Variants in GRHL3 observed in about 807,000 individuals in gnomAD.
GRHL3 encodes the protein grainyhead like transcription factor 3.
GRHL3 carries 20 observed loss-of-function variants against 70.3 expected under a neutral mutation model. The observed-to-expected ratio is 0.28, with a 90% CI of 0.20 to 0.41. The LOEUF is 0.41. Ranked by LOEUF, GRHL3 falls within the 10% of genes least tolerant of loss-of-function variation. The probability of loss-of-function intolerance (pLI) is 1.00; values close to 1 mark genes in which losing one functional copy is unlikely to be tolerated. For synonymous variants in GRHL3, 299 were observed against 299.9 expected, an observed-to-expected ratio of 1.00 and a Z score of 0.03; for missense variants, 637 against 762.3, an observed-to-expected ratio of 0.84 and a Z score of 1.94.
At chr1:24,326,928 A>G (rs1639421196) in intron 1 of GRHL3, among the ~76,000 whole-genome samples, 1 of 152,210 alleles carries the variant, frequency 6.6e-6, no homozygotes, top group African/African-American at 2.4e-5. Flanking sequence ...CTATGAGATA[A>G]TGGAAGTTGG....
chr1:24,364,200 C>A, exon 16 of GRHL3: 1 of 1,518,354 alleles, frequency 6.6e-7, no homozygotes, highest in Non-Finnish European at 8.8e-7. Flanking sequence ...CTTCTCTCCT[C>A]CACCCACGCC....
intron 4 of GRHL3, 31 bp downstream of exon 4, chr1:24,336,858 T>C: frequency 6.7e-7 from 1 of 1,495,606 alleles, no homozygotes; most frequent in Non-Finnish European, 9.2e-7. Context: ...CCCTATAGCA[T>C]AGATATGTGT....
At chr1:24,360,979 G>A in intron 15 of GRHL3, 1 of 1,613,812 alleles carries the variant, frequency 6.2e-7, no homozygotes, top group East Asian at 2.2e-5. Flanking sequence ...ACCAGGACCT[G>A]GGAAAGGTGG....
At position 24,321,194 on chromosome 1, in the gene GRHL3, T is replaced by C. The variant is rs1639169894; in HGVS notation, c.17+1626T>C. Among the ~76,000 whole-genome samples the C allele has an allele frequency of 6.6e-6, 1 of 152,244 alleles. No individual in the cohort carries two copies. The highest frequency in any genetic ancestry group is 1.5e-5 in the Non-Finnish European group (1 of 68,044). On this transcript the variant is annotated intron_variant, in intron 1 of 15. Transcript: ENST00000361548. This position sits in a 1 kb window ranked among gnomAD's most constrained non-coding sequence, Gnocchi z 4.0. ...AGGGGGTATGTGTTCTGAAGCTGGG[T>C]TACTTGAACAGAAAGGTTTCTTGCT...
In GRHL3 at chr1:24,352,685, C is replaced by T. The variant is rs111574623; in HGVS notation, c.1695-1689C>T. ...TCACAGTGCCTGGCACCTAGAAGCA[C>T]GCAATCAATGGCAGACAAAACAACC... On this transcript the variant is annotated intron_variant, in intron 15 of 15. Coordinates refer to ENST00000361548, the MANE Select transcript of GRHL3 (RefSeq NM_198173.3). Among the ~76,000 whole-genome samples the T allele has an allele frequency of 2.5e-3, 374 of 152,308 alleles. 1 individual carries two copies. The highest frequency in any genetic ancestry group is 8.7e-3 in the African/African-American group (360 of 41,558).
chr1:24,347,573 C>T lies in GRHL3; in HGVS notation c.1629+20C>T, dbSNP rs775960745. 9 of 1,588,178 alleles carry T rather than the reference C, an allele frequency of 5.7e-6. No individual in the cohort carries two copies. In the East Asian group the frequency reaches 6.7e-5, roughly 12 times the overall value. ...AATGCGGTAAGCTGCCTGTGGACCC[C>T]GCCCCCCATGGCAGACCCCCTCTAG... is the stretch of plus-strand genomic sequence containing the variant. On this transcript the variant is annotated intron_variant, in intron 14 of 15. Transcript: ENST00000361548.
At chr1:24,349,757 A>C (rs541919894) in intron 14 of GRHL3, among the ~76,000 whole-genome samples, 1 of 152,312 alleles carries the variant, frequency 6.6e-6, no homozygotes, top group South Asian at 2.1e-4. Context: ...GTGACATAGG[A>C]AGGCTTATAC....
chr1:24,345,877 C>T (rs1640260996), intron 12 of GRHL3, among the ~76,000 whole-genome samples: 2 of 152,196 alleles, frequency 1.3e-5, no homozygotes, highest in African/African-American at 4.8e-5. Context: ...TTATGAAGAT[C>T]ATTTGCTGTT....
rs377484322 is a variant in GRHL3, at chr1:24,339,703, A to G, written c.988A>G (p.Ile330Val). The change falls in exon 8 of 16, where the codon ATT becomes GTT. Residue 330 changes from isoleucine to valine, a missense_variant. By Grantham distance (29) the Ile-to-Val change is conservative. Coordinates refer to ENST00000361548, the MANE Select transcript of GRHL3 (RefSeq NM_198173.3). The stretch of plus-strand genomic sequence containing the variant: ...AGAAAACTTCAACACTGTGGAGCAC[A>G]TTGAGGAGGTGGCCTATAATGCACT... Reference protein sequence around the residue: ...CKENFNTVEHIEEVAYNALSF... With the variant: ...CKENFNTVEHVEEVAYNALSF... 1.1e-5 allele frequency: 17 copies of G among 1,613,576 alleles called. No individual in the cohort carries two copies.
rs761171661 is a variant in GRHL3 at position 24,346,634 on chromosome 1, T to A, written c.1536T>A (p.Leu512=). 2 of 1,611,330 alleles carry A rather than the reference T, an allele frequency of 1.2e-6. No individual in the cohort carries two copies. Among genetic ancestry groups the A allele is most frequent in the Non-Finnish European group, 1.7e-6 (2 of 1,178,160 alleles). The change falls in exon 13 of 16, where the codon CTT becomes CTA. Residue 512 remains leucine, a synonymous_variant. Coordinates refer to ENST00000361548, the MANE Select transcript of GRHL3 (RefSeq NM_198173.3). The part of the protein sequence containing the change: ...LPSKQAKEGD[L]QRVLLYVRRE... ...CCAAGCAGGCCAAGGAAGGCGACCT[T>A]CAGAGAGGTGACCTCCCGCCCTCCT...
chr1:24,358,058 T>A, downstream of GRHL3: 1 of 372,520 alleles, frequency 2.7e-6, no homozygotes, highest in Non-Finnish European at 5.4e-6. Flanking sequence ...ATACCGTAAG[T>A]GAGTGAGGTC....
At chr1:24,358,510 G>A, downstream of GRHL3, 1 of 1,568,214 alleles carries the variant, frequency 6.4e-7, no homozygotes, top group Non-Finnish European at 8.8e-7. Context: ...GTGGGCTGGT[G>A]GCTGGAGTTC....
intron 2 of GRHL3, among the ~76,000 whole-genome samples, chr1:24,332,090 C>T (rs1473325866): frequency 1.3e-5 from 2 of 152,144 alleles, no homozygotes; most frequent in South Asian, 2.1e-4. Context: ...CACTCTCATA[C>T]CCCACCATCT....
chr1:24,333,680 G>T (rs1177319286), intron 2 of GRHL3, among the ~76,000 whole-genome samples: 1 of 152,106 alleles, frequency 6.6e-6, no homozygotes, highest in Admixed American at 6.5e-5. Flanking sequence ...CACACAGCTA[G>T]TATGTGGTAG....
At position 24,329,453 on chromosome 1, in the gene GRHL3, A is replaced by G. The variant is rs186594671; in HGVS notation, c.18-1973A>G. 3.3e-3 allele frequency among the ~76,000 whole-genome samples: 510 copies of G among 152,356 alleles called. 2 individuals carry two copies. Among genetic ancestry groups the G allele is most frequent in the Non-Finnish European group, 4.6e-3 (314 of 68,030 alleles). On this transcript the variant is annotated intron_variant, in intron 1 of 15. Coordinates refer to ENST00000361548, the MANE Select transcript of GRHL3 (RefSeq NM_198173.3). ...AACACATTTTTCTGCTGTGATAAAG[A>G]CTGCACCCCTGCATCAACGGAAAAG...
intron 11 of GRHL3, 117 bp downstream of exon 11, chr1:24,343,142 C>A: frequency 8.5e-7 from 1 of 1,172,770 alleles, no homozygotes; most frequent in Non-Finnish European, 1.2e-6. Context: ...GTTTCAAGAC[C>A]TTTATTGAAT....
intron 14 of GRHL3, among the ~76,000 whole-genome samples, chr1:24,348,977 C>T (rs1272718075): frequency 6.6e-6 from 1 of 152,256 alleles, no homozygotes; most frequent in Non-Finnish European, 1.5e-5. Context: ...AGCTGTTTCC[C>T]TGGGACAGGC....
intron 1 of GRHL3, among the ~76,000 whole-genome samples, chr1:24,331,139 T>G (rs1423689223): frequency 1.3e-5 from 2 of 152,240 alleles, no homozygotes; most frequent in Non-Finnish European, 2.9e-5. Flanking sequence ...TGAAAGTATT[T>G]TATTGAATCC....
At chr1:24,354,288 A>G in intron 15 of GRHL3, 86 bp from the exon 16 acceptor site, 1 of 858,268 alleles carries the variant, frequency 1.2e-6, no homozygotes, top group African/African-American at 1.6e-5. Context: ...CCCACTGGGT[A>G]TGACCCATCA....
Sources: allele counts gnomAD v4.1 joint callset (sites outside exome capture counted in the v4.1 genomes callset), GRCh38; gene constraint gnomAD v4.1.1; non-coding constraint Gnocchi (gnomAD v3.1); transcripts MANE v1.5; gene names NCBI Gene and HGNC (gene_info 2026-07-23, HGNC 2026-07-21).